The following PRKCB variants were observed in gnomAD, a reference collection of about 807,000 sequenced individuals.
The protein encoded by PRKCB is protein kinase C beta, also known as protein kinase C beta type.
In PRKCB, 13 loss-of-function variants were observed where a neutral mutation model predicts 81.5. That is an observed-to-expected ratio of 0.16 (90% CI 0.10 to 0.25). The LOEUF is 0.25. PRKCB is among the 10% of genes least tolerant of loss of function. The pLI is 1.00. For missense variants in PRKCB, 509 were observed against 875.7 expected, an observed-to-expected ratio of 0.58 and a Z score of 5.29; for synonymous variants, 335 against 321.4, an observed-to-expected ratio of 1.04 and a Z score of -0.45.
chr16:23,962,591 G>A (rs1964440690), intron 2 of PRKCB, among the ~76,000 whole-genome samples: 1 of 152,110 alleles, frequency 6.6e-6, no homozygotes, highest in Non-Finnish European at 1.5e-5. Context: ...GTCTACCACA[G>A]CACTTCTCAC....
At chr16:23,989,018 T>C (rs894594921) in intron 3 of PRKCB, among the ~76,000 whole-genome samples, 4 of 152,180 alleles carry the variant, frequency 2.6e-5, no homozygotes, top group Admixed American at 1.3e-4. Context: ...TGGAGTGCAG[T>C]GGAGCAATCT....
At position 24,219,657 on chromosome 16, in the gene PRKCB, CACACACACACACACACACACA is replaced by C. The variant is rs1968290748; in HGVS notation, c.*4842_*4862del. On this transcript the variant is annotated 3_prime_UTR_variant, in exon 17 of 17. Transcript: ENST00000643927. ...CCTAAAGCCAAAGAAAATACAGCAA[CACACACACACACACACACACA>C]CACACACACACACACACACACACAC... 5.2e-5 allele frequency: 33 copies of C among 633,474 alleles called. No individual in the cohort carries two copies. In the African/African-American group the frequency reaches 5.7e-4, roughly 11 times the overall value. The allele number at this position is 633,474 out of a possible 1,614,324, so 39.2% of individuals were successfully genotyped here. A position where few individuals can be genotyped will look rare whatever the true frequency, so the allele number is the denominator to read the frequency against.
chr16:24,065,009 A>T (rs890876188), intron 5 of PRKCB, among the ~76,000 whole-genome samples: 54 of 147,580 alleles, frequency 3.7e-4, no homozygotes, highest in African/African-American at 1.1e-3. Flanking sequence ...TATATATATA[A>T]AAAGACTGAA....
intron 3 of PRKCB, among the ~76,000 whole-genome samples, chr16:24,009,615 T>A (rs1194925232): frequency 6.6e-6 from 1 of 150,468 alleles, no homozygotes; most frequent in Non-Finnish European, 1.5e-5. Context: ...AAAAGACAAG[T>A]GTTAGCAAAG....
intron 2 of PRKCB, among the ~76,000 whole-genome samples, chr16:23,903,115 G>C (rs1963508539): frequency 6.6e-6 from 1 of 151,226 alleles, no homozygotes; most frequent in South Asian, 2.1e-4. Context: ...ACAGGTGTGA[G>C]CTGCCACGCC....
intron 2 of PRKCB, among the ~76,000 whole-genome samples, chr16:23,940,604 A>G (rs1451247275): frequency 6.6e-6 from 1 of 152,092 alleles, no homozygotes; most frequent in Non-Finnish European, 1.5e-5. Flanking sequence ...ATCTACTTCT[A>G]ATTATATATT....
chr16:24,094,896 GAAAGAAAGAC>G (rs1966421468), intron 7 of PRKCB, among the ~76,000 whole-genome samples: 1 of 151,102 alleles, frequency 6.6e-6, no homozygotes, highest in Non-Finnish European at 1.5e-5. Flanking sequence ...AAAGAAAGAA[GAAAGAAAGAC>G]GGAAAGCAGG....
rs777132623 is a variant in PRKCB at position 24,110,509 on chromosome 16, C to CTTTT, written c.822-2464_822-2463insTTTT. On this transcript the variant is annotated intron_variant, in intron 7 of 16. Transcript: ENST00000643927. ...TACAGGCATAAGCCACCATGCCCAA[C>CTTTT]CTTTTTTTTTTTTTTTTTTTTTTGA... 1.1e-3 allele frequency among the ~76,000 whole-genome samples: 136 copies of CTTTT among 125,320 alleles called. 1 individual carries two copies. Among genetic ancestry groups the CTTTT allele is most frequent in the African/African-American group, 2.6e-3 (62 of 23,428 alleles). The allele number at this position is 125,320 out of a possible 152,430, so 82.2% of individuals were successfully genotyped here.
chr16:24,194,350 AC>A (rs1967847343), intron 16 of PRKCB, among the ~76,000 whole-genome samples: 1 of 151,482 alleles, frequency 6.6e-6, no homozygotes, highest in African/African-American at 2.4e-5. Context: ...AAACAAAAAA[AC>A]AAAAAACAAC....
At chr16:24,161,094 A>G (rs1967248014) in intron 10 of PRKCB, among the ~76,000 whole-genome samples, 1 of 152,238 alleles carries the variant, frequency 6.6e-6, no homozygotes, top group Non-Finnish European at 1.5e-5. Context: ...TTTAAAGATA[A>G]AAGATTCTTA....
chr16:24,076,473 G>C (rs555818296), intron 5 of PRKCB, among the ~76,000 whole-genome samples: 1 of 152,158 alleles, frequency 6.6e-6, no homozygotes, highest in Non-Finnish European at 1.5e-5. Flanking sequence ...GGAGAAAGAC[G>C]AGACAGAAGC....
chr16:23,881,984 TTC>T (rs1963117288), intron 2 of PRKCB, among the ~76,000 whole-genome samples: 1 of 22,976 alleles, frequency 4.4e-5, no homozygotes, highest in African/African-American at 1.1e-4. Context: ...CTTTCTTTCT[TTC>T]TTTCTTTCTT....
intron 3 of PRKCB, among the ~76,000 whole-genome samples, chr16:24,017,008 A>C (rs185177772): frequency 9.8e-5 from 15 of 152,366 alleles, no homozygotes; most frequent in Admixed American, 9.8e-4. Context: ...TTAAGCAGCC[A>C]ATGATTGGCA....
Position 24,215,862 on chromosome 16 carries a change from G to A in PRKCB, c.*1046G>A, listed in dbSNP as rs564984055. On this transcript the variant is annotated 3_prime_UTR_variant, in exon 17 of 17. Coordinates refer to ENST00000643927, the MANE Select transcript of PRKCB (RefSeq NM_002738.7). The stretch of plus-strand genomic sequence containing the variant: ...AATTAAGTGCTCTGAAAAAGACACC[G>A]TTTCTTGAAACAAAGATGGTTGTAT... The A allele has an allele frequency of 5.1e-6, 5 of 985,218 alleles. No homozygotes were observed. The South Asian group carries it at 1.9e-4, about 37-fold the overall frequency. The allele number at this position is 985,218 out of a possible 1,614,324, so 61.0% of individuals were successfully genotyped here.
intron 3 of PRKCB, among the ~76,000 whole-genome samples, chr16:24,001,598 A>C (rs969318132): frequency 3.9e-5 from 6 of 152,236 alleles, no homozygotes; most frequent in African/African-American, 1.2e-4. Context: ...TTTTGTCTCA[A>C]AAAGAAATTG....
intron 2 of PRKCB, among the ~76,000 whole-genome samples, chr16:23,962,293 C>T (rs1964437029): frequency 6.6e-6 from 1 of 152,164 alleles, no homozygotes; most frequent in Admixed American, 6.5e-5. Context: ...CCCTAACGTC[C>T]CTGTCTTTGT....
Position 24,154,664 on chromosome 16 carries a change from A to C in PRKCB, c.1066-20A>C, listed in dbSNP as rs753371346. ...CCAGACTCCTTCCAACTGCCCTGACATGCTTGCTCTCTTTCCCAGGTCATG... is the reference window on the plus strand; with the variant it reads ...CCAGACTCCTTCCAACTGCCCTGACCTGCTTGCTCTCTTTCCCAGGTCATG... On this transcript the variant is annotated intron_variant, in intron 9 of 16. Transcript: ENST00000643927. 6.2e-7 allele frequency: 1 copy of C among 1,613,402 alleles called. No homozygotes were observed.
chr16:24,149,407 T>C (rs1967042655), intron 9 of PRKCB, among the ~76,000 whole-genome samples: 1 of 152,214 alleles, frequency 6.6e-6, no homozygotes, highest in Non-Finnish European at 1.5e-5. Flanking sequence ...AAAGCTTGAT[T>C]AGAATATTAA....
intron 5 of PRKCB, among the ~76,000 whole-genome samples, chr16:24,046,326 C>G (rs1367062223): frequency 6.6e-6 from 1 of 152,232 alleles, no homozygotes; most frequent in Admixed American, 6.5e-5. Flanking sequence ...TGTTGGGGGC[C>G]TCCCATGTGC....
Sources: allele counts gnomAD v4.1 joint callset (sites outside exome capture counted in the v4.1 genomes callset), GRCh38; gene constraint gnomAD v4.1.1; transcripts MANE v1.5; gene names NCBI Gene and HGNC (gene_info 2026-07-23, HGNC 2026-07-21).